SYT16: variants seen among roughly 807,000 people sequenced by gnomAD.
SYT16 encodes the protein synaptotagmin-16.
A neutral mutation model predicts 61.4 loss-of-function variants in SYT16; 42 were observed. That is an observed-to-expected ratio of 0.68 (90% CI 0.53 to 0.89). The LOEUF is 0.89. Among genes scored for constraint, SYT16 ranks in the 40% least tolerant of loss-of-function variants. SYT16 has a pLI of 0.00. For synonymous variants in SYT16, 314 were observed against 302.3 expected, an observed-to-expected ratio of 1.04 and a Z score of -0.40; for missense variants, 804 against 807.3, an observed-to-expected ratio of 1.00 and a Z score of 0.05.
intron 1 of SYT16, among the ~76,000 whole-genome samples, chr14:61,833,697 C>A (rs1431775069): frequency 1.5e-5 from 2 of 134,014 alleles, no homozygotes; most frequent in African/African-American, 5.5e-5. Flanking sequence ...CCACTGCGCC[C>A]AGCAGTGGCT....
chr14:62,056,506 G>T (rs995293688), intron 3 of SYT16, among the ~76,000 whole-genome samples: 3 of 152,164 alleles, frequency 2.0e-5, no homozygotes, highest in Admixed American at 1.3e-4. Context: ...CTCCGTTTCC[G>T]GATGAATCCC....
intron 1 of SYT16, among the ~76,000 whole-genome samples, chr14:61,857,938 C>T (rs2046826827): frequency 6.6e-6 from 1 of 151,706 alleles, no homozygotes; most frequent in Non-Finnish European, 1.5e-5. Flanking sequence ...AATTTATTTT[C>T]CAGCAGACAG....
chr14:62,024,888 AT>A (rs1332806590), intron 3 of SYT16, among the ~76,000 whole-genome samples: 1 of 152,094 alleles, frequency 6.6e-6, no homozygotes, highest in Non-Finnish European at 1.5e-5. Context: ...CTTATATAGT[AT>A]ATAGGTGTTT....
intron 3 of SYT16, among the ~76,000 whole-genome samples, chr14:62,041,119 GTCCTGTCTAGCCTTT>G (rs2054713540): frequency 6.6e-6 from 1 of 152,130 alleles, no homozygotes; most frequent in African/African-American, 2.4e-5. Flanking sequence ...TGGGAGGCTA[GTCCTGTCTAGCCTTT>G]TCATGTTCTT....
At chr14:61,967,423 C>T (rs1458209114) in intron 1 of SYT16, among the ~76,000 whole-genome samples, 1 of 152,154 alleles carries the variant, frequency 6.6e-6, no homozygotes, top group East Asian at 1.9e-4. Context: ...AATCTACTCT[C>T]ACAGTTTTGG....
intron 3 of SYT16, among the ~76,000 whole-genome samples, chr14:62,042,197 C>A (rs946681129): frequency 3.3e-5 from 5 of 151,826 alleles, no homozygotes; most frequent in Admixed American, 2.0e-4. Flanking sequence ...GGGGTGGGAT[C>A]TTGCTATGTT....
intron 1 of SYT16, among the ~76,000 whole-genome samples, chr14:61,943,611 A>G (rs2140456257): frequency 6.6e-6 from 1 of 152,326 alleles, no homozygotes; most frequent in Middle Eastern, 3.4e-3. Flanking sequence ...CGATCACATA[A>G]ACAGAACTAG....
At chr14:61,856,767 G>A (rs2046787757) in intron 1 of SYT16, among the ~76,000 whole-genome samples, 1 of 152,282 alleles carries the variant, frequency 6.6e-6, no homozygotes, top group Non-Finnish European at 1.5e-5. Flanking sequence ...CAGCATTTGG[G>A]AGATGTTAAA....
At chr14:62,002,831 T>C (rs1413784586) in intron 3 of SYT16, among the ~76,000 whole-genome samples, 1 of 152,172 alleles carries the variant, frequency 6.6e-6, no homozygotes, top group Non-Finnish European at 1.5e-5. Flanking sequence ...AGAGGTTTAA[T>C]TGACTCATAG....
At chr14:61,901,130 T>C (rs2048499149) in intron 1 of SYT16, among the ~76,000 whole-genome samples, 1 of 152,172 alleles carries the variant, frequency 6.6e-6, no homozygotes, top group Non-Finnish European at 1.5e-5. Context: ...AATCTAGCCT[T>C]CCCTTTCTGA....
At chr14:61,951,912 C>T (rs1398897301) in intron 1 of SYT16, among the ~76,000 whole-genome samples, 1 of 152,072 alleles carries the variant, frequency 6.6e-6, no homozygotes, top group Non-Finnish European at 1.5e-5. Flanking sequence ...ACCTCTGCCT[C>T]CCGAATAGCT....
At chr14:61,995,824 G>T in intron 2 of SYT16, 52 bp from the exon 3 acceptor site, 1 of 502,952 alleles carries the variant, frequency 2.0e-6, no homozygotes. Flanking sequence ...TCTGGTGATG[G>T]GTCTGAGGTT....
chr14:61,967,659 A>G (rs2051369791), intron 1 of SYT16, among the ~76,000 whole-genome samples: 1 of 152,114 alleles, frequency 6.6e-6, no homozygotes, highest in Non-Finnish European at 1.5e-5. Context: ...CATTGAATTT[A>G]GGTGCTACCC....
chr14:61,911,578 C>G (rs981271185), intron 1 of SYT16, among the ~76,000 whole-genome samples: 5 of 152,168 alleles, frequency 3.3e-5, no homozygotes, highest in Non-Finnish European at 7.3e-5. Context: ...CTCAGAGGAG[C>G]TATGTCCTAT....
At chr14:61,929,074 C>A (rs1420090352) in intron 1 of SYT16, among the ~76,000 whole-genome samples, 1 of 152,154 alleles carries the variant, frequency 6.6e-6, no homozygotes, top group Non-Finnish European at 1.5e-5. Flanking sequence ...TGGCTTAGTT[C>A]AGTTTTTCTC....
intron 1 of SYT16, among the ~76,000 whole-genome samples, chr14:61,814,194 G>A (rs1320167284): frequency 6.6e-6 from 1 of 152,152 alleles, no homozygotes; most frequent in Non-Finnish European, 1.5e-5. Flanking sequence ...TTGATCAGGT[G>A]TTTCCAGTAA....
chr14:62,035,710 A>G (rs1179390143), intron 3 of SYT16, among the ~76,000 whole-genome samples: 1 of 152,228 alleles, frequency 6.6e-6, no homozygotes, highest in African/African-American at 2.4e-5. Context: ...CCAGAGCACA[A>G]AAGCCCATTT....
chr14:61,921,481 C>T (rs2049333112), intron 1 of SYT16, among the ~76,000 whole-genome samples: 1 of 152,194 alleles, frequency 6.6e-6, no homozygotes, highest in Admixed American at 6.5e-5. Context: ...GTTTCTGTTA[C>T]ATTCATAACC....
intron 2 of SYT16, among the ~76,000 whole-genome samples, chr14:61,987,235 C>A (rs746979680): frequency 1.3e-5 from 2 of 151,972 alleles, no homozygotes; most frequent in African/African-American, 2.4e-5. Context: ...GGAGCCTGAG[C>A]AACTAAAAGG....
Sources: gnomAD v4.1 joint callset for allele counts (sites outside exome capture counted in the v4.1 genomes callset) on GRCh38, gnomAD v4.1.1 for gene constraint, MANE v1.5 for transcripts, NCBI Gene and HGNC (gene_info 2026-07-23, HGNC 2026-07-21) for gene names.